Variants in LTBP1 observed in about 807,000 individuals in gnomAD.
The protein encoded by LTBP1 is latent transforming growth factor beta binding protein 1.
Under a neutral mutation model 207.6 loss-of-function variants are expected in LTBP1, and 129 were observed. The observed-to-expected ratio is 0.62, with a 90% confidence interval of 0.54 to 0.72. LTBP1 has a LOEUF of 0.72. Ranked by LOEUF, LTBP1 falls within the 30% of genes least tolerant of loss-of-function variation. The probability of loss-of-function intolerance (pLI) is 0.00; values close to 1 mark genes in which losing one functional copy is unlikely to be tolerated. For synonymous variants in LTBP1, 963 were observed against 833.7 expected (o/e 1.16, Z -2.67); for missense variants, 2,281 against 2,217.2 (o/e 1.03, Z -0.58).
chr2:32,953,472 G>A (rs2148285245), intron 2 of LTBP1, among the ~76,000 whole-genome samples: 1 of 152,350 alleles, frequency 6.6e-6, no homozygotes, highest in East Asian at 1.9e-4. Context: ...AGGGTCAGCT[G>A]GAGAATCTTG....
chr2:33,257,092 A>AT (rs55693621), intron 11 of LTBP1, among the ~76,000 whole-genome samples, 192 bp from the exon 12 acceptor site: 4 of 151,800 alleles, frequency 2.6e-5, no homozygotes, highest in South Asian at 2.1e-4. Context: ...AAAAAGTTGG[A>AT]TTTTTTTCTT....
At chr2:33,205,786 G>A (rs2089817689) in intron 7 of LTBP1, among the ~76,000 whole-genome samples, 1 of 152,150 alleles carries the variant, frequency 6.6e-6, no homozygotes, top group Non-Finnish European at 1.5e-5. Flanking sequence ...AGCCTAAAAG[G>A]AGATAACTAA....
chr2:33,030,834 T>C (rs967016894), intron 3 of LTBP1, among the ~76,000 whole-genome samples: 2 of 152,228 alleles, frequency 1.3e-5, no homozygotes, highest in Non-Finnish European at 2.9e-5. Context: ...AATGGTCTTA[T>C]GAAGTGTGAT....
At chr2:33,396,760 A>C (rs949669186) in intron 32 of LTBP1, among the ~76,000 whole-genome samples, 2 of 152,190 alleles carry the variant, frequency 1.3e-5, no homozygotes, top group Non-Finnish European at 2.9e-5. Flanking sequence ...CCGATAGTGA[A>C]TTCTGTTGGT....
intron 9 of LTBP1, among the ~76,000 whole-genome samples, chr2:33,229,603 T>C (rs550559022): frequency 1.3e-5 from 2 of 152,394 alleles, no homozygotes; most frequent in Non-Finnish European, 2.9e-5. Context: ...TTAGAAGTGA[T>C]AGAAGTGCAA....
In LTBP1 at chr2:32,971,002, T is replaced by TTGTG. The variant is rs56246215; in HGVS notation, c.565+22095_565+22098dup. 6.0e-3 allele frequency among the ~76,000 whole-genome samples: 856 copies of TTGTG among 142,612 alleles called. 5 individuals carry two copies. The highest frequency in any genetic ancestry group is 0.039 in the Middle Eastern group (11 of 282). The allele number at this position is 142,612 out of a possible 152,430, so 93.6% of individuals were successfully genotyped here. A position where few individuals can be genotyped will look rare whatever the true frequency, so the allele number is the denominator to read the frequency against. ...CCTGGTTAGCTGTATTCCTAGGTAT[T>TTGTG]TGTGTGTGTGTGTGTGTGTGTGTGT... On this transcript the variant is annotated intron_variant, in intron 2 of 33. Coordinates refer to ENST00000404816, the MANE Select transcript of LTBP1 (RefSeq NM_206943.4).
In LTBP1 at chr2:33,187,038, C is replaced by T; in HGVS notation, c.1384C>T (p.His462Tyr). 2 of 1,614,224 alleles carry T rather than the reference C, an allele frequency of 1.2e-6. No homozygotes were observed. Among genetic ancestry groups the T allele is most frequent in the South Asian group, 2.2e-5 (2 of 91,090 alleles). Residue 462 changes from histidine (H) to tyrosine (Y), a missense_variant, in exon 6 of 34, where the codon CAT becomes TAT. Physicochemically the swap from His to Tyr is moderately conservative, Grantham distance 83. This residue lies in a region of LTBP1 where 1,671 missense variants were observed against 1,634.8 expected (regional missense o/e 1.02). Transcript: ENST00000404816. ...GGGGACGCATGTCATCCATTCAACA[C>T]ATACCTTGCCTCTGACCGTGACTAG... The part of the protein sequence containing the change: ...ALGTHVIHST[H>Y]TLPLTVTSQQ...
At chr2:33,058,059 T>A (rs543123380) in intron 3 of LTBP1, among the ~76,000 whole-genome samples, 1 of 152,354 alleles carries the variant, frequency 6.6e-6, no homozygotes, top group East Asian at 1.9e-4. Flanking sequence ...GGAGTGTTTC[T>A]CTCTTTGGTT....
At chr2:33,160,515 G>C (rs950601510) in intron 5 of LTBP1, among the ~76,000 whole-genome samples, 5 of 152,184 alleles carry the variant, frequency 3.3e-5, no homozygotes, top group African/African-American at 9.7e-5. Flanking sequence ...AGCTCCTGCA[G>C]ATGAGGTACC....
At chr2:33,128,066 G>C (rs1252548118) in intron 4 of LTBP1, among the ~76,000 whole-genome samples, 1 of 152,054 alleles carries the variant, frequency 6.6e-6, no homozygotes, top group Non-Finnish European at 1.5e-5. Context: ...AGATAATTTG[G>C]GACCCTCGAG....
At chr2:33,287,913 T>A (rs2093696685) in intron 19 of LTBP1, among the ~76,000 whole-genome samples, 1 of 152,232 alleles carries the variant, frequency 6.6e-6, no homozygotes, top group African/African-American at 2.4e-5. Flanking sequence ...TTTGCCATGC[T>A]TGCTTTTCTG....
chr2:33,155,430 A>G (rs1416054007), intron 5 of LTBP1, among the ~76,000 whole-genome samples: 1 of 152,180 alleles, frequency 6.6e-6, no homozygotes, highest in Non-Finnish European at 1.5e-5. Flanking sequence ...TTTAAGTTGC[A>G]TTTTGCTTGT....
chr2:33,386,990 C>T (rs926002050), intron 31 of LTBP1, among the ~76,000 whole-genome samples: 2 of 152,074 alleles, frequency 1.3e-5, no homozygotes. Context: ...GCCACCATGC[C>T]CAGCTAATTT....
At chr2:33,131,938 A>G (rs2081829502) in intron 4 of LTBP1, among the ~76,000 whole-genome samples, 1 of 152,170 alleles carries the variant, frequency 6.6e-6, no homozygotes, top group Admixed American at 6.5e-5. Flanking sequence ...TGGGAGGTGA[A>G]ATGGGAATAA....
intron 31 of LTBP1, among the ~76,000 whole-genome samples, chr2:33,373,971 AT>A (rs923411927): frequency 7.2e-5 from 11 of 152,218 alleles, no homozygotes; most frequent in African/African-American, 2.7e-4. Context: ...AAAGTAAAGA[AT>A]TTGGAATGTC....
Position 33,170,450 on chromosome 2 carries a change from G to T in LTBP1, c.1202-16406G>T, listed in dbSNP as rs540473883. Among the ~76,000 whole-genome samples, 138 of 152,346 alleles carry T rather than the reference G, an allele frequency of 9.1e-4. 1 individual carries two copies. Among genetic ancestry groups the T allele is most frequent in the Admixed American group, 4.7e-3 (72 of 15,312 alleles). On this transcript the variant is annotated intron_variant, in intron 5 of 33. Transcript: ENST00000404816. ...ACTGCAAGGCCGCGGCCAGGCTGGG[G>T]GAGGGGCGCCCGCCATTGCCCAGGC...
intron 32 of LTBP1, among the ~76,000 whole-genome samples, chr2:33,390,052 G>A (rs189940614): frequency 1.3e-5 from 2 of 152,252 alleles, no homozygotes; most frequent in East Asian, 3.9e-4. Flanking sequence ...TTTCCTACAG[G>A]GAAATGCAAA....
chr2:33,043,395 T>C (rs781397326), intron 3 of LTBP1, among the ~76,000 whole-genome samples: 1 of 152,186 alleles, frequency 6.6e-6, no homozygotes, highest in African/African-American at 2.4e-5. Flanking sequence ...AAAAATCGTA[T>C]ATTATTGTGT....
chr2:33,088,322 C>A (rs924621623), intron 3 of LTBP1, among the ~76,000 whole-genome samples: 4 of 152,084 alleles, frequency 2.6e-5, no homozygotes, highest in Non-Finnish European at 5.9e-5. Flanking sequence ...CATGGTGGCG[C>A]GTGCCTGTAA....
Sources: allele counts gnomAD v4.1 joint callset (sites outside exome capture counted in the v4.1 genomes callset), GRCh38; gene constraint gnomAD v4.1.1; regional missense constraint gnomAD v4.1.1; transcripts MANE v1.5; gene names NCBI Gene and HGNC (gene_info 2026-07-23, HGNC 2026-07-21).